Variants in RBFOX1 observed in about 807,000 individuals in gnomAD.
The protein encoded by RBFOX1 is RNA binding protein fox-1 homolog 1.
Under a neutral mutation model 57.7 loss-of-function variants are expected in RBFOX1, and 8 were observed. That is an observed-to-expected ratio of 0.14 (90% CI 0.08 to 0.25). The LOEUF (loss-of-function observed/expected upper bound fraction) is 0.25, where lower values mean the gene tolerates loss of function less well. Ranked by LOEUF, RBFOX1 falls within the 10% of genes least tolerant of loss-of-function variation. The pLI, the probability that RBFOX1 is intolerant of heterozygous loss-of-function variation, is 1.00. For missense variants in RBFOX1, 611 were observed against 548.5 expected (o/e 1.11, Z -1.14); for synonymous variants, 326 against 222.4 (o/e 1.47, Z -4.15).
intron 2 of RBFOX1, among the ~76,000 whole-genome samples, chr16:6,488,519 A>G (rs1598055717): frequency 6.6e-6 from 1 of 152,192 alleles, no homozygotes; most frequent in East Asian, 1.9e-4. Context: ...AGGTATTACC[A>G]TGCCTAATTT....
At chr16:7,624,499 T>G (rs2059782344) in intron 10 of RBFOX1, among the ~76,000 whole-genome samples, 1 of 152,222 alleles carries the variant, frequency 6.6e-6, no homozygotes, top group Non-Finnish European at 1.5e-5. Flanking sequence ...CATGTCATCC[T>G]CTGGAAAAGC....
chr16:7,045,791 G>C (rs980415407), intron 3 of RBFOX1, among the ~76,000 whole-genome samples: 1 of 152,020 alleles, frequency 6.6e-6, no homozygotes, highest in Non-Finnish European at 1.5e-5. Flanking sequence ...GAGTAGCTGG[G>C]ACTACAGGCG....
chr16:6,440,801 GAAAAAAA>G (rs140805062), intron 2 of RBFOX1, among the ~76,000 whole-genome samples: 3 of 118,584 alleles, frequency 2.5e-5, no homozygotes, highest in East Asian at 2.5e-4. Context: ...ACACCATCTG[GAAAAAAA>G]AAAAAAAAAA....
chr16:6,466,572 G>C (rs566123634), intron 2 of RBFOX1, among the ~76,000 whole-genome samples: 25 of 152,140 alleles, frequency 1.6e-4, no homozygotes, highest in Non-Finnish European at 3.4e-4. Flanking sequence ...GACCATTGGA[G>C]ACACCCTCTC....
intron 3 of RBFOX1, among the ~76,000 whole-genome samples, chr16:6,801,074 G>C (rs1393391854): frequency 1.3e-5 from 2 of 151,906 alleles, no homozygotes; most frequent in African/African-American, 2.4e-5. Context: ...CGGAGGACTT[G>C]TTAAAAGTGC....
intron 3 of RBFOX1, among the ~76,000 whole-genome samples, chr16:6,764,902 A>C (rs922810622): frequency 6.6e-6 from 1 of 152,144 alleles, no homozygotes; most frequent in Admixed American, 6.5e-5. Context: ...GTGCCACTGC[A>C]CTCCAACCTG....
intron 3 of RBFOX1, among the ~76,000 whole-genome samples, chr16:6,953,363 C>T (rs918174506): frequency 1.4e-5 from 2 of 139,712 alleles, no homozygotes; most frequent in Non-Finnish European, 3.0e-5. Context: ...ACAATGTTTC[C>T]CATATACATG....
At chr16:7,144,940 C>T (rs2074626039) in intron 4 of RBFOX1, among the ~76,000 whole-genome samples, 2 of 152,124 alleles carry the variant, frequency 1.3e-5, no homozygotes, top group Admixed American at 6.5e-5. Flanking sequence ...ACATGAAAGT[C>T]AGCCCCTCTC....
chr16:6,411,381 G>C (rs181767791), intron 2 of RBFOX1, among the ~76,000 whole-genome samples: 1 of 152,308 alleles, frequency 6.6e-6, no homozygotes, highest in Non-Finnish European at 1.5e-5. Context: ...ATATGTTTAT[G>C]ACTGCTGTTT....
chr16:7,607,885 G>C (rs1486370134), intron 10 of RBFOX1, among the ~76,000 whole-genome samples: 1 of 152,108 alleles, frequency 6.6e-6, no homozygotes, highest in Non-Finnish European at 1.5e-5. Context: ...TTGCCTTCCA[G>C]AATATGTCTC....
chr16:6,669,168 C>T (rs984224638), intron 3 of RBFOX1, among the ~76,000 whole-genome samples: 11 of 152,076 alleles, frequency 7.2e-5, no homozygotes, highest in East Asian at 1.9e-4. Context: ...GGGATTATGC[C>T]ATCCATCTCA....
chr16:6,650,378 C>T (rs1602717212), intron 2 of RBFOX1, among the ~76,000 whole-genome samples: 1 of 152,062 alleles, frequency 6.6e-6, no homozygotes, highest in East Asian at 1.9e-4. Flanking sequence ...ACCAAACCAC[C>T]TTGAGGAAAA....
intron 3 of RBFOX1, among the ~76,000 whole-genome samples, chr16:6,681,711 T>G (rs2058680109): frequency 6.6e-6 from 1 of 151,980 alleles, no homozygotes; most frequent in Non-Finnish European, 1.5e-5. Flanking sequence ...AGTAAAATGT[T>G]CAAACTTATC....
chr16:5,661,054 C>T (rs1277240582), intron 3 of RBFOX1, among the ~76,000 whole-genome samples: 2 of 152,170 alleles, frequency 1.3e-5, no homozygotes, highest in Non-Finnish European at 2.9e-5. Flanking sequence ...CATACTCATT[C>T]TGCACCTGCT....
chr16:7,044,003 G>A (rs561888479), intron 3 of RBFOX1, among the ~76,000 whole-genome samples: 1 of 152,252 alleles, frequency 6.6e-6, no homozygotes, highest in South Asian at 2.1e-4. Context: ...TGCACTGCAA[G>A]CACCTCTTAC....
intron 14 of RBFOX1, among the ~76,000 whole-genome samples, chr16:7,695,964 G>A (rs2078681224): frequency 6.6e-6 from 1 of 152,170 alleles, no homozygotes; most frequent in African/African-American, 2.4e-5. Context: ...AGGGGCTTCG[G>A]GTGGAGATAG....
chr16:5,392,762 C>T (rs1372124712), intron 1 of RBFOX1, among the ~76,000 whole-genome samples: 1 of 152,084 alleles, frequency 6.6e-6, no homozygotes, highest in Non-Finnish European at 1.5e-5. Flanking sequence ...CAAGTAAAGC[C>T]TGCCCTCTGC....
At chr16:6,237,368 C>T (rs1236600142) in intron 1 of RBFOX1, among the ~76,000 whole-genome samples, 1 of 152,140 alleles carries the variant, frequency 6.6e-6, no homozygotes, top group African/African-American at 2.4e-5. Flanking sequence ...ATGGCCAGGT[C>T]TGACCCTATA....
At chr16:7,674,223 C>G (rs1333082636) in intron 13 of RBFOX1, among the ~76,000 whole-genome samples, 1 of 152,156 alleles carries the variant, frequency 6.6e-6, no homozygotes, top group Non-Finnish European at 1.5e-5. Context: ...CCACCCTAAT[C>G]CCTTTTTCCC....
Sources: allele counts gnomAD v4.1 joint callset (sites outside exome capture counted in the v4.1 genomes callset), GRCh38; gene constraint gnomAD v4.1.1; transcripts MANE v1.5; gene names NCBI Gene and HGNC (gene_info 2026-07-23, HGNC 2026-07-21).